The following BABAM2 variants were observed in gnomAD, a reference collection of about 807,000 sequenced individuals.
BABAM2 encodes BRISC and BRCA1-A complex member 2.
A neutral mutation model predicts 54.7 loss-of-function variants in BABAM2; 31 were observed. The ratio of observed to expected loss-of-function variants is 0.57; its 90% CI spans 0.43 to 0.77. The LOEUF is 0.77. Among genes scored for constraint, BABAM2 ranks in the 30% least tolerant of loss-of-function variants. The probability of loss-of-function intolerance (pLI) is 0.00; values close to 1 mark genes in which losing one functional copy is unlikely to be tolerated. For synonymous variants in BABAM2, 167 were observed against 162.9 expected (o/e 1.03, Z -0.19); for missense variants, 364 against 455.8 (o/e 0.80, Z 1.83).
intron 4 of BABAM2, chr2:28,016,572 A>G (rs1240656502): frequency 2.1e-5 from 12 of 564,472 alleles, no homozygotes; most frequent in Non-Finnish European, 3.6e-5. Flanking sequence ...ATTTCTTTCT[A>G]ATTAACTTCT....
chr2:28,154,965 T>A (rs1403887215), intron 7 of BABAM2, among the ~76,000 whole-genome samples: 1 of 152,216 alleles, frequency 6.6e-6, no homozygotes, highest in Non-Finnish European at 1.5e-5. Flanking sequence ...GTGCTATTCC[T>A]ACCTTTTAAA....
At chr2:28,131,376 C>T (rs62140458) in intron 7 of BABAM2, among the ~76,000 whole-genome samples, 47,249 of 79,724 alleles carry the variant, frequency 0.59, 15,049 homozygotes, top group Middle Eastern at 0.74. Flanking sequence ...CCACCGCGCC[C>T]GGCCTATTAT....
intron 4 of BABAM2, among the ~76,000 whole-genome samples, chr2:28,003,619 A>G (rs1015485947): frequency 1.3e-5 from 2 of 152,128 alleles, no homozygotes; most frequent in African/African-American, 4.8e-5. Flanking sequence ...AGCCAATTCT[A>G]GTGTTATAGC....
chr2:28,114,256 T>G (rs1488476805), intron 6 of BABAM2, among the ~76,000 whole-genome samples: 2 of 152,188 alleles, frequency 1.3e-5, no homozygotes, highest in Non-Finnish European at 2.9e-5. Context: ...ATGACATGAT[T>G]GGATATTTAG....
intron 10 of BABAM2, among the ~76,000 whole-genome samples, chr2:28,253,110 G>A (rs1683648287): frequency 6.6e-6 from 1 of 152,106 alleles, no homozygotes; most frequent in Non-Finnish European, 1.5e-5. Context: ...CAGTTCACAG[G>A]TATGGAGTGA....
At chr2:28,337,120 G>A (rs1217964329) in intron 11 of BABAM2, among the ~76,000 whole-genome samples, 3 of 152,144 alleles carry the variant, frequency 2.0e-5, no homozygotes, top group Non-Finnish European at 4.4e-5. Context: ...TTGCTCTGAG[G>A]TGAGATATCT....
chr2:27,918,970 A>G (rs1667172488), intron 2 of BABAM2, among the ~76,000 whole-genome samples: 1 of 152,184 alleles, frequency 6.6e-6, no homozygotes, highest in Admixed American at 6.5e-5. Context: ...GATTACAGGC[A>G]TGAGCCACTG....
chr2:27,923,187 G>T (rs1407046611), intron 2 of BABAM2, among the ~76,000 whole-genome samples: 1 of 152,226 alleles, frequency 6.6e-6, no homozygotes, highest in East Asian at 1.9e-4. Flanking sequence ...TGCCTTACTT[G>T]AAGACTGTTC....
chr2:28,190,330 C>T lies in BABAM2; in HGVS notation c.681-46872C>T, dbSNP rs76268894. Among the ~76,000 whole-genome samples, 253 of 152,250 alleles carry T rather than the reference C, an allele frequency of 1.7e-3. 6 individuals are homozygous for T. The East Asian group carries it at 0.04, about 24-fold the overall frequency. Reference sequence around the variant, plus strand: ...AGATTGAGTGTCTGATGAGGACTCACTTCTTTCATAGATGGCCATCTTCTC... The same window carrying T: ...AGATTGAGTGTCTGATGAGGACTCATTTCTTTCATAGATGGCCATCTTCTC... On this transcript the variant is annotated intron_variant, in intron 7 of 11. Transcript: ENST00000379624.
At chr2:28,335,151 CTTCTTTTTT>C (rs1691318705) in intron 11 of BABAM2, among the ~76,000 whole-genome samples, 1 of 115,710 alleles carries the variant, frequency 8.6e-6, no homozygotes, top group South Asian at 2.9e-4. Context: ...TCTCTCCCAC[CTTCTTTTTT>C]TTTTTTTTTT....
intron 7 of BABAM2, among the ~76,000 whole-genome samples, chr2:28,135,095 T>C (rs1367290604): frequency 6.6e-6 from 1 of 152,146 alleles, no homozygotes; most frequent in Non-Finnish European, 1.5e-5. Flanking sequence ...TGATGCTTAG[T>C]TAGTGCTCCT....
chr2:28,338,655 C>T lies in BABAM2; in HGVS notation c.*142C>T. The stretch of plus-strand genomic sequence containing the variant: ...AGCAGCTTTTGCACGCCCCAGGCAG[C>T]CCCGACTGCTGAAATCCAACTTGAG... On this transcript the variant is annotated 3_prime_UTR_variant, in exon 12 of 12. Transcript: ENST00000379624. The T allele has an allele frequency of 1.1e-6, 1 of 936,884 alleles. No individual in the cohort carries two copies. Among genetic ancestry groups the T allele is most frequent in the Non-Finnish European group, 1.6e-6 (1 of 607,492 alleles). 58.0% of individuals were successfully genotyped at this position (936,884 alleles called of 1,614,324 possible).
chr2:28,100,612 G>T (rs921145031), intron 6 of BABAM2, among the ~76,000 whole-genome samples: 2 of 152,068 alleles, frequency 1.3e-5, no homozygotes, highest in Non-Finnish European at 1.5e-5. Context: ...CTCAATAAAT[G>T]ATTTCAGTAC....
intron 7 of BABAM2, among the ~76,000 whole-genome samples, chr2:28,231,096 A>G (rs1211232798): frequency 6.6e-6 from 1 of 152,222 alleles, no homozygotes; most frequent in African/African-American, 2.4e-5. Flanking sequence ...TATCTTGGAT[A>G]AGATACTTAG....
intron 7 of BABAM2, among the ~76,000 whole-genome samples, chr2:28,207,913 A>C (rs1030773570): frequency 1.3e-5 from 2 of 151,932 alleles, no homozygotes; most frequent in African/African-American, 4.8e-5. Context: ...TTTTTGTTTC[A>C]TTTTGTTTCT....
intron 7 of BABAM2, among the ~76,000 whole-genome samples, chr2:28,148,784 C>T (rs1413700782): frequency 6.6e-6 from 1 of 152,230 alleles, no homozygotes; most frequent in Non-Finnish European, 1.5e-5. Flanking sequence ...GCAACTTTTC[C>T]TCCTTGCTTA....
At chr2:27,890,223 G>A (rs778821130), upstream of BABAM2, 6 of 1,602,296 alleles carry the variant, frequency 3.7e-6, no homozygotes, top group South Asian at 1.1e-5. The surrounding 1 kb of genome is among the most constrained non-coding windows in gnomAD (Gnocchi z 4.8). Flanking sequence ...CTCCTCCCCC[G>A]AGCCGCAGAC....
intron 8 of BABAM2, 34 bp from the exon 9 acceptor site, chr2:28,241,289 C>T (rs1682404623): frequency 2.5e-6 from 4 of 1,588,436 alleles, no homozygotes; most frequent in Non-Finnish European, 3.5e-6. Context: ...AAAAGATTCC[C>T]ACTCTACTTC....
chr2:28,021,128 C>A (rs1331985477), intron 4 of BABAM2, among the ~76,000 whole-genome samples: 1 of 152,158 alleles, frequency 6.6e-6, no homozygotes, highest in East Asian at 1.9e-4. Flanking sequence ...TTTTGCCCAA[C>A]TTTCTTCTCT....
Sources: allele counts gnomAD v4.1 joint callset (sites outside exome capture counted in the v4.1 genomes callset), GRCh38; gene constraint gnomAD v4.1.1; non-coding constraint Gnocchi (gnomAD v3.1); transcripts MANE v1.5; gene names NCBI Gene and HGNC (gene_info 2026-07-23, HGNC 2026-07-21).